Variants in PSG6 observed in about 807,000 individuals in gnomAD.
The protein encoded by PSG6 is pregnancy specific beta-1-glycoprotein 6.
A neutral mutation model predicts 43.3 loss-of-function variants in PSG6; 51 were observed. The ratio of observed to expected loss-of-function variants is 1.18; its 90% CI spans 0.94 to 1.49. PSG6 has a LOEUF of 1.49. Among genes scored for constraint, PSG6 ranks in the 40% most tolerant of loss-of-function variants. The pLI is 0.00. For synonymous variants in PSG6, 292 were observed against 197.6 expected (o/e 1.48, Z -4.01); for missense variants, 770 against 522.2 (o/e 1.47, Z -4.62).
At chr19:42,906,366 C>T (rs116747125) in intron 5 of PSG6, among the ~76,000 whole-genome samples, 3,609 of 151,520 alleles carry the variant, frequency 0.024, 201 homozygotes, top group African/African-American at 0.083. Context: ...CCACCAGGGC[C>T]CTTTCTCCAC....
chr19:42,910,582 A>C lies in PSG6; in HGVS notation c.704T>G (p.Leu235Arg), dbSNP rs1311726148. 3 of 1,612,372 alleles carry C rather than the reference A, an allele frequency of 1.9e-6. No homozygotes were observed. The highest frequency in any genetic ancestry group is 2.5e-6 in the Non-Finnish European group (3 of 1,179,268). Residue 235 changes from leucine to arginine, a missense_variant and splice_region_variant, in exon 3 of 6, where the codon CTC (leucine) becomes CGC (arginine). By Grantham distance (102) the Leu-to-Arg change is moderately radical (BLOSUM62 -2). Coordinates refer to ENST00000187910, the MANE Select transcript of PSG6 (RefSeq NM_001031850.4). ...SRSDPVTLNL[L>R]PKLPMPYITI... ...ACAGAGGAACAGAAGATACTCACGGAGGAGATTCAGGGTGACTGGGTCACT... is the reference window on the plus strand; with the variant it reads ...ACAGAGGAACAGAAGATACTCACGGCGGAGATTCAGGGTGACTGGGTCACT...
At chr19:42,908,395 A>G (rs1048215751) in intron 3 of PSG6, among the ~76,000 whole-genome samples, 1 of 151,716 alleles carries the variant, frequency 6.6e-6, no homozygotes, top group Non-Finnish European at 1.5e-5. Context: ...ACCAGAGTCA[A>G]GCCTGTAGGT....
At chr19:42,905,354 A>G (rs1568441304) in intron 5 of PSG6, among the ~76,000 whole-genome samples, 2 of 151,712 alleles carry the variant, frequency 1.3e-5, no homozygotes, top group Admixed American at 1.3e-4. Context: ...CAAAACCACA[A>G]TGTTACAACA....
chr19:42,912,924 T>C (rs1972254673), intron 2 of PSG6, among the ~76,000 whole-genome samples: 1 of 151,674 alleles, frequency 6.6e-6, no homozygotes, highest in Non-Finnish European at 1.5e-5. Context: ...CCGTTAAGTG[T>C]ATGTGACAGC....
At position 42,914,772 on chromosome 19, in the gene PSG6, T is replaced by C. The variant is rs757032903; in HGVS notation, c.427+1353A>G. Reference sequence around the variant, plus strand: ...CATTTGTTATGTGAGAGCTCCTGAGTGTGTCTCTCTCACTGGGCCTGTGCT... The same window carrying C: ...CATTTGTTATGTGAGAGCTCCTGAGCGTGTCTCTCTCACTGGGCCTGTGCT... On this transcript the variant is annotated intron_variant, in intron 2 of 5. Coordinates refer to ENST00000187910, the MANE Select transcript of PSG6 (RefSeq NM_001031850.4). Among the ~76,000 whole-genome samples the C allele has an allele frequency of 1.3e-4, 19 of 151,570 alleles. 1 individual carries two copies. Among genetic ancestry groups the C allele is most frequent in the Non-Finnish European group, 2.5e-4 (17 of 67,900 alleles).
chr19:42,906,035 G>T (rs1972105758), intron 5 of PSG6, among the ~76,000 whole-genome samples: 1 of 151,446 alleles, frequency 6.6e-6, no homozygotes, highest in African/African-American at 2.4e-5. Flanking sequence ...CTTAGTTAAT[G>T]GTAAGTCTAA....
chr19:42,903,317 A>G (rs1277913579), intron 5 of PSG6, among the ~76,000 whole-genome samples: 1 of 151,650 alleles, frequency 6.6e-6, no homozygotes, highest in Non-Finnish European at 1.5e-5. Flanking sequence ...CAAGAAATTT[A>G]TAACTGTAAA....
intron 5 of PSG6, chr19:42,906,647 C>T (rs187207108): frequency 1.1e-5 from 16 of 1,393,688 alleles, no homozygotes; most frequent in African/African-American, 1.0e-4. Context: ...CTTCTTGTCC[C>T]TCTGTGAAGC....
chr19:42,910,455 G>A (rs1972197172), intron 3 of PSG6, 125 bp downstream of exon 3: 2 of 1,608,152 alleles, frequency 1.2e-6, no homozygotes, highest in African/African-American at 1.3e-5. Flanking sequence ...GAAAGTCATG[G>A]CCAGCTTTGA....
chr19:42,905,165 CTA>C (rs1972092347), intron 5 of PSG6, among the ~76,000 whole-genome samples: 1 of 151,598 alleles, frequency 6.6e-6, no homozygotes. Flanking sequence ...AGAGTAAAAA[CTA>C]TACAACTCTT....
rs750316162 is a variant in PSG6, at chr19:42,907,718, G to A, written c.843C>T (p.Val281=). 1 of 1,610,864 alleles carries A rather than the reference G, an allele frequency of 6.2e-7. No homozygotes were observed. The highest frequency in any genetic ancestry group is 1.3e-5 in the African/African-American group (1 of 74,802). Residue 281 remains valine, a synonymous_variant, in exon 4 of 6, where the codon GTC becomes GTT. Coordinates refer to ENST00000187910, the MANE Select transcript of PSG6 (RefSeq NM_001031850.4). ...CAATGGGTCGCTTTACCCTCGGACT[G>A]ACCGGGAGGCTCTGACCATTTAGCC... ...IWWLNGQSLP[V]SPRVKRPIEN... is the part of the protein sequence containing the mutation.
rs751955948 is a variant in PSG6 at position 42,907,920 on chromosome 19, A to G, written c.707-66T>C. On this transcript the variant is annotated intron_variant, in intron 3 of 5. Coordinates refer to ENST00000187910, the MANE Select transcript of PSG6 (RefSeq NM_001031850.4). Reference sequence around the variant, plus strand: ...ATTCCTCCACAGGCATCCTTCATTCAGAGTTGGCATCTCCCACCTGTCAAC... The same window carrying G: ...ATTCCTCCACAGGCATCCTTCATTCGGAGTTGGCATCTCCCACCTGTCAAC... The G allele has an allele frequency of 5.7e-6, 9 of 1,581,990 alleles. No individual in the cohort carries two copies. In the African/African-American group the frequency reaches 9.5e-5, roughly 17 times the overall value.
chr19:42,907,241 T>C (rs1972132285), intron 4 of PSG6, 65 bp from the exon 5 acceptor site: 2 of 1,570,842 alleles, frequency 1.3e-6, no homozygotes, highest in Admixed American at 1.8e-5. Context: ...CCTGGTCTCT[T>C]AAAGGGACAC....
chr19:42,914,293 C>A (rs1651654055), intron 2 of PSG6, among the ~76,000 whole-genome samples: 1 of 151,348 alleles, frequency 6.6e-6, no homozygotes, highest in South Asian at 2.1e-4. Context: ...GTGGGCCAGG[C>A]CACAGTGTTA....
intron 2 of PSG6, among the ~76,000 whole-genome samples, chr19:42,913,842 C>T (rs990338806): frequency 3.3e-5 from 5 of 151,486 alleles, no homozygotes; most frequent in African/African-American, 1.2e-4. Context: ...TCCCTCCGCC[C>T]GCATGATTCC....
intron 1 of PSG6, 42 bp from the exon 2 acceptor site, chr19:42,916,529 T>C (rs376030931): frequency 1.3e-6 from 2 of 1,577,584 alleles, no homozygotes; most frequent in Non-Finnish European, 8.6e-7. Context: ...TGGACCTATG[T>C]ATTGGGGTGA....
rs1271491899 is a variant in PSG6, at chr19:42,906,630, G to C, written c.1240+292C>G. The C allele has an allele frequency of 9.4e-6, 13 of 1,376,504 alleles. No individual in the cohort carries two copies. The Admixed American group carries it at 1.8e-4, about 19-fold the overall frequency. The allele number at this position is 1,376,504 out of a possible 1,614,324, so 85.3% of individuals were successfully genotyped here. A position where few individuals can be genotyped will look rare whatever the true frequency, so the allele number is the denominator to read the frequency against. On this transcript the variant is annotated intron_variant, in intron 5 of 5. Coordinates refer to ENST00000187910, the MANE Select transcript of PSG6 (RefSeq NM_001031850.4). ...CAGCGAGAAGCAACTTGATCTTGAG[G>C]ACTCTCCTTCTTGTCCCTCTGTGAA...
In PSG6 at chr19:42,907,639, G is replaced by A. The variant is rs773546902; in HGVS notation, c.922C>T (p.Gln308Ter). The change falls in exon 4 of 6, where the codon CAA becomes TAA. Residue 308 changes from glutamine to a stop codon, truncating the protein, a stop_gained. Coordinates refer to ENST00000187910, the MANE Select transcript of PSG6 (RefSeq NM_001031850.4). LOFTEE classifies it high-confidence loss of function. ...CCATATCGGTCCCGTATTTCACATT[G>A]ATAGGGTCCTGTTTCATTTCTCGTG... The part of the protein sequence containing the change: ...SVTRNETGPY[Q>*]CEIRDRYGGI... 23 of 1,611,670 alleles carry A rather than the reference G, an allele frequency of 1.4e-5. No individual in the cohort carries two copies. The highest frequency in any genetic ancestry group is 8.3e-5 in the Admixed American group (5 of 59,912).
rs1190265338 is a variant in PSG6, at chr19:42,915,526, C to T, written c.427+599G>A. 1.3e-5 allele frequency: 2 copies of T among 155,970 alleles called. 1 individual carries two copies. Among genetic ancestry groups the T allele is most frequent in the East Asian group, 3.8e-4 (2 of 5,222 alleles). 9.7% of individuals were successfully genotyped at this position (155,970 alleles called of 1,614,324 possible). On this transcript the variant is annotated intron_variant, in intron 2 of 5. Transcript: ENST00000187910. ...AAAGCTTGTCTTTCTGTCCTCTCCA[C>T]TCTGAGTGTCAGGTGAAGAAAGCTC... is the stretch of plus-strand genomic sequence containing the variant.
Sources: gnomAD v4.1 joint callset for allele counts (sites outside exome capture counted in the v4.1 genomes callset) on GRCh38, gnomAD v4.1.1 for gene constraint, MANE v1.5 for transcripts, NCBI Gene and HGNC (gene_info 2026-07-23, HGNC 2026-07-21) for gene names.